Variants in TMOD2 observed in about 807,000 individuals in gnomAD.
TMOD2 encodes tropomodulin-2.
TMOD2 carries 22 observed loss-of-function variants against 39.9 expected under a neutral mutation model. The observed-to-expected ratio is 0.55, with a 90% CI of 0.39 to 0.79. The LOEUF (loss-of-function observed/expected upper bound fraction) is 0.79, where lower values mean the gene tolerates loss of function less well. TMOD2 is among the 30% of genes least tolerant of loss of function. The probability of loss-of-function intolerance (pLI) is 0.00; values close to 1 mark genes in which losing one functional copy is unlikely to be tolerated. For synonymous variants in TMOD2, 123 were observed against 146.1 expected, an observed-to-expected ratio of 0.84 and a Z score of 1.14; for missense variants, 386 against 413.3, an observed-to-expected ratio of 0.93 and a Z score of 0.57.
chr15:51,775,420 A>G (rs567240447), intron 4 of TMOD2, among the ~76,000 whole-genome samples: 17 of 152,298 alleles, frequency 1.1e-4, no homozygotes, highest in Admixed American at 1.0e-3. Context: ...AAACCTGGCA[A>G]TGGGAGCCAA....
At chr15:51,782,674 T>A in intron 6 of TMOD2, 47 bp from the exon 7 acceptor site, 1 of 1,429,690 alleles carries the variant, frequency 7.0e-7, no homozygotes, top group Non-Finnish European at 9.8e-7. Flanking sequence ...TTGGCAAGAG[T>A]GTGCCATACA....
intron 1 of TMOD2, among the ~76,000 whole-genome samples, chr15:51,763,561 G>A (rs2055796325): frequency 1.3e-5 from 2 of 152,114 alleles, no homozygotes; most frequent in Non-Finnish European, 2.9e-5. Context: ...ATTGAACTGG[G>A]CACTTAAACT....
intron 4 of TMOD2, among the ~76,000 whole-genome samples, chr15:51,776,474 G>A (rs889007114): frequency 6.6e-6 from 1 of 152,236 alleles, no homozygotes; most frequent in Admixed American, 6.5e-5. Context: ...ATGCTCTAGA[G>A]ACAATTATAT....
At chr15:51,786,910 C>T (rs181064764) in intron 7 of TMOD2, among the ~76,000 whole-genome samples, 55 of 152,324 alleles carry the variant, frequency 3.6e-4, no homozygotes, top group Admixed American at 3.9e-4. Context: ...CCAGTGAGAT[C>T]GACGCAGAAG....
chr15:51,774,637 A>G (rs1483403623), intron 4 of TMOD2, among the ~76,000 whole-genome samples: 1 of 152,182 alleles, frequency 6.6e-6, no homozygotes, highest in African/African-American at 2.4e-5. Flanking sequence ...TTCTGTGATG[A>G]TGTCAGGAAG....
chr15:51,768,452 G>T, intron 3 of TMOD2, 34 bp downstream of exon 3: 1 of 1,549,388 alleles, frequency 6.5e-7, no homozygotes, highest in South Asian at 1.2e-5. Context: ...TTGGAACAGA[G>T]GTTCTCTCTT....
intron 1 of TMOD2, among the ~76,000 whole-genome samples, chr15:51,762,649 A>G (rs1258360844): frequency 1.3e-5 from 2 of 152,224 alleles, no homozygotes; most frequent in African/African-American, 4.8e-5. Context: ...TAGTAAACAT[A>G]TGCAACATCC....
Position 51,808,841 on chromosome 15 carries a change from C to T in TMOD2, c.*387C>T, listed in dbSNP as rs2056138024. 1 of 164,686 alleles carries T rather than the reference C, an allele frequency of 6.1e-6. No individual in the cohort carries two copies. Among genetic ancestry groups the T allele is most frequent in the Non-Finnish European group, 1.3e-5 (1 of 75,878 alleles). The allele number at this position is 164,686 out of a possible 1,614,324, so 10.2% of individuals were successfully genotyped here. A position where few individuals can be genotyped will look rare whatever the true frequency, so the allele number is the denominator to read the frequency against. On this transcript the variant is annotated 3_prime_UTR_variant, in exon 10 of 10. Transcript: ENST00000249700. Reference sequence around the variant, plus strand: ...CTGTGATTATGATAGAGGCCTATCTCTGTTTACATGCATAGCTTTGAGTTA... The same window carrying T: ...CTGTGATTATGATAGAGGCCTATCTTTGTTTACATGCATAGCTTTGAGTTA...
At chr15:51,788,203 A>C (rs1300054540) in intron 7 of TMOD2, among the ~76,000 whole-genome samples, 1 of 152,172 alleles carries the variant, frequency 6.6e-6, no homozygotes, top group African/African-American at 2.4e-5. Context: ...TGAAAACCAC[A>C]GTACAAGAAC....
chr15:51,805,184 T>A (rs1345120947), intron 8 of TMOD2, among the ~76,000 whole-genome samples: 1 of 151,140 alleles, frequency 6.6e-6, no homozygotes, highest in African/African-American at 2.4e-5. Flanking sequence ...GGTCTCAAAC[T>A]CCTGACCTCA....
chr15:51,776,801 CTG>C (rs2055892197), intron 4 of TMOD2, 129 bp from the exon 5 acceptor site: 2 of 702,038 alleles, frequency 2.8e-6, no homozygotes, highest in East Asian at 2.7e-5. Flanking sequence ...GTACCACACA[CTG>C]TGCAAGGAAA....
intron 7 of TMOD2, among the ~76,000 whole-genome samples, chr15:51,788,707 A>G (rs1353396174): frequency 1.3e-5 from 2 of 152,248 alleles, no homozygotes; most frequent in African/African-American, 4.8e-5. Flanking sequence ...AATATTCAAC[A>G]TTCTTAAAGA....
chr15:51,800,950 C>T (rs2141641223), intron 8 of TMOD2, among the ~76,000 whole-genome samples: 1 of 152,324 alleles, frequency 6.6e-6, no homozygotes, highest in East Asian at 1.9e-4. Flanking sequence ...AGCCATCCTC[C>T]TGCCTCAGCC....
chr15:51,796,726 A>C (rs908814724), intron 7 of TMOD2, among the ~76,000 whole-genome samples: 6 of 152,228 alleles, frequency 3.9e-5, no homozygotes, highest in African/African-American at 1.4e-4. Context: ...TCTCTCTCAA[A>C]TATCTTACTG....
chr15:51,769,317 G>C (rs1010302825), intron 3 of TMOD2, among the ~76,000 whole-genome samples: 4 of 152,192 alleles, frequency 2.6e-5, no homozygotes, highest in African/African-American at 9.7e-5. Flanking sequence ...TCTGCTCCAT[G>C]TCCAGGATGG....
In TMOD2 at chr15:51,806,509, A is replaced by G. The variant is rs140862399; in HGVS notation, c.1009A>G (p.Asn337Asp). The G allele has an allele frequency of 1.9e-6, 3 of 1,614,094 alleles. No individual in the cohort carries two copies. The highest frequency in any genetic ancestry group is 1.7e-6 in the Non-Finnish European group (2 of 1,180,036). ...RTRVAAAITK[N>D]NDLVRKKRVE... ...AAGGGTGGCAGCTGCCATCACAAAG[A>G]ATAATGACCTGGGTAATTCAGCCAT... is the stretch of plus-strand genomic sequence containing the variant. The change falls in exon 9 of 10, where the codon AAT (asparagine) becomes GAT (aspartate). Residue 337 changes from asparagine (N) to aspartate (D), a missense_variant. Transcript: ENST00000249700.
rs555286894 is a variant in TMOD2, at chr15:51,760,903, C to T, written c.-69-5470C>T. 2.4e-4 allele frequency among the ~76,000 whole-genome samples: 37 copies of T among 152,138 alleles called. 1 individual carries two copies. In the South Asian group the frequency reaches 3.5e-3, roughly 15 times the overall value. On this transcript the variant is annotated intron_variant, in intron 1 of 9. Coordinates refer to ENST00000249700, the MANE Select transcript of TMOD2 (RefSeq NM_014548.4). ...ATAGATGTGAGGAATAGGAGGAGGA[C>T]GTATTTAGGTGGCCATGATTCTGCC...
chr15:51,807,446 C>G (rs568611029), intron 9 of TMOD2, among the ~76,000 whole-genome samples: 75 of 152,308 alleles, frequency 4.9e-4, no homozygotes, highest in African/African-American at 1.7e-3. Context: ...TGTGTGGCAT[C>G]AGGAAGCTGG....
intron 4 of TMOD2, among the ~76,000 whole-genome samples, chr15:51,775,563 CTTTTTCCTTT>C (rs1199736040): frequency 7.3e-5 from 7 of 96,522 alleles, no homozygotes; most frequent in Non-Finnish European, 2.1e-5. Flanking sequence ...GTGACAAATT[CTTTTTCCTTT>C]TTTTTTTTTT....
Sources: allele counts gnomAD v4.1 joint callset (sites outside exome capture counted in the v4.1 genomes callset), GRCh38; gene constraint gnomAD v4.1.1; transcripts MANE v1.5; gene names NCBI Gene and HGNC (gene_info 2026-07-23, HGNC 2026-07-21).